The following LAMA2 variants were observed in gnomAD, a reference collection of about 807,000 sequenced individuals.
The protein encoded by LAMA2 is laminin subunit alpha-2.
LAMA2 carries 269 observed loss-of-function variants against 364.8 expected under a neutral mutation model. The observed-to-expected ratio is 0.74, with a 90% CI of 0.67 to 0.82. The LOEUF (loss-of-function observed/expected upper bound fraction) is 0.82. LAMA2 is among the 40% of genes least tolerant of loss of function. The pLI, the probability that LAMA2 is intolerant of heterozygous loss-of-function variation, is 0.00. For missense variants in LAMA2, 3,807 were observed against 3,873.2 expected, an observed-to-expected ratio of 0.98 and a Z score of 0.45; for synonymous variants, 1,379 against 1,370.6, an observed-to-expected ratio of 1.01 and a Z score of -0.14.
chr6:129,224,542 G>T (rs1254344571), intron 12 of LAMA2, among the ~76,000 whole-genome samples: 1 of 152,136 alleles, frequency 6.6e-6, no homozygotes, highest in Admixed American at 6.5e-5. Flanking sequence ...TTTATTGAGA[G>T]TTTTTGGCAT....
At chr6:129,394,557 A>G (rs1371106709) in intron 37 of LAMA2, among the ~76,000 whole-genome samples, 1 of 152,146 alleles carries the variant, frequency 6.6e-6, no homozygotes, top group Non-Finnish European at 1.5e-5. Flanking sequence ...CTGACATGCT[A>G]GCAGTATTCC....
chr6:129,344,783 G>A (rs1017687969), intron 30 of LAMA2, among the ~76,000 whole-genome samples: 2 of 152,204 alleles, frequency 1.3e-5, no homozygotes, highest in African/African-American at 2.4e-5. Context: ...GCAGTGAACA[G>A]CATCAGTTGC....
At chr6:128,895,565 G>T in intron 1 of LAMA2, among the ~76,000 whole-genome samples, 1 of 151,848 alleles carries the variant, frequency 6.6e-6, no homozygotes, top group East Asian at 1.9e-4. Flanking sequence ...GGAGAATGGC[G>T]TGAATCCGGG....
rs75048006 is a variant in LAMA2 at position 129,514,398 on chromosome 6, C to A, written c.9014C>A (p.Ala3005Glu). The A allele has an allele frequency of 3.7e-6, 6 of 1,613,452 alleles. No individual in the cohort carries two copies. In the South Asian group the frequency reaches 5.5e-5, roughly 15 times the overall value. The change falls in exon 64 of 65, where the codon GCG becomes GAG. Residue 3005 changes from alanine (A) to glutamate (E), a missense_variant. Around this residue, in one of 3 missense-constraint regions of LAMA2, gnomAD observed 3,333 missense variants for 3,345.7 expected, o/e 1.00. Coordinates refer to ENST00000421865, the MANE Select transcript of LAMA2 (RefSeq NM_000426.4). ...EKLMFHVDNG[A>E]GRFTAVYDAG... is the part of the protein sequence containing the mutation. Reference sequence around the variant, plus strand: ...TTGATGTTTCATGTGGACAATGGTGCGGGCAGATTCACTGCTGTCTATGAT... The same window carrying A: ...TTGATGTTTCATGTGGACAATGGTGAGGGCAGATTCACTGCTGTCTATGAT...
chr6:129,043,927 G>T (rs936736621), intron 1 of LAMA2, among the ~76,000 whole-genome samples: 1 of 152,016 alleles, frequency 6.6e-6, no homozygotes, highest in Non-Finnish European at 1.5e-5. Context: ...TGTAGGTCTG[G>T]CATCAGTGAG....
rs73776196 is a variant in LAMA2 at position 129,501,430 on chromosome 6, G to A, written c.8245-1229G>A. ...ATACTTCCATGAAGACCAATTTTAC[G>A]GCATTTCAAAACACTTTAAGCCTTT... On this transcript the variant is annotated intron_variant, in intron 58 of 64. Transcript: ENST00000421865. 8.4e-3 allele frequency among the ~76,000 whole-genome samples: 1,281 copies of A among 152,244 alleles called. 18 individuals are homozygous for A. The highest frequency in any genetic ancestry group is 0.026 in the African/African-American group (1,083 of 41,532).
intron 4 of LAMA2, among the ~76,000 whole-genome samples, chr6:129,136,011 A>C (rs1777770449): frequency 6.6e-6 from 1 of 152,132 alleles, no homozygotes; most frequent in African/African-American, 2.4e-5. Flanking sequence ...GAACTCCTGT[A>C]TGTCAAATTC....
At chr6:129,051,087 T>G (rs1787966295) in intron 2 of LAMA2, among the ~76,000 whole-genome samples, 1 of 151,750 alleles carries the variant, frequency 6.6e-6, no homozygotes, top group Non-Finnish European at 1.5e-5. Context: ...CATCTAAAGA[T>G]TTCTGGCTAA....
chr6:129,269,732 A>G (rs1395983366), intron 16 of LAMA2, among the ~76,000 whole-genome samples: 1 of 152,124 alleles, frequency 6.6e-6, no homozygotes, highest in East Asian at 1.9e-4. Flanking sequence ...GTTTAGCTAA[A>G]CTTAAAAATT....
At chr6:129,145,577 A>G (rs1778385228) in intron 5 of LAMA2, among the ~76,000 whole-genome samples, 1 of 151,996 alleles carries the variant, frequency 6.6e-6, no homozygotes, top group African/African-American at 2.4e-5. Flanking sequence ...ATCAGAGAAA[A>G]AAAATCAATG....
At chr6:128,917,706 T>TTTC (rs1554322938) in intron 1 of LAMA2, among the ~76,000 whole-genome samples, 1,269 of 98,408 alleles carry the variant, frequency 0.013, 26 homozygotes, top group East Asian at 0.039. Flanking sequence ...TTTCTTTTTT[T>TTTC]TTTCTTTCTT....
At chr6:128,958,469 C>T (rs1279342806) in intron 1 of LAMA2, among the ~76,000 whole-genome samples, 2 of 152,064 alleles carry the variant, frequency 1.3e-5, no homozygotes, top group African/African-American at 4.8e-5. Flanking sequence ...AATTAAATTC[C>T]TTTCCCTCCC....
chr6:129,316,142 T>C lies in LAMA2; in HGVS notation c.4029T>C (p.Ala1343=), dbSNP rs752632649. The C allele has an allele frequency of 6.2e-7, 1 of 1,608,508 alleles. No individual in the cohort carries two copies. Among genetic ancestry groups the C allele is most frequent in the Non-Finnish European group, 8.5e-7 (1 of 1,175,684 alleles). The stretch of plus-strand genomic sequence containing the variant: ...ATATTCATTACATTCTTATCAAAGC[T>C]ACTTATGGAAATTTCATGCGACAAA... ...LYDIHYILIK[A]TYGNFMRQSR... Residue 1343 remains alanine (A), a synonymous_variant, in exon 27 of 65, where the codon GCT becomes GCC. Transcript: ENST00000421865.
At chr6:129,298,077 A>G (rs1773309608) in intron 21 of LAMA2, among the ~76,000 whole-genome samples, 1 of 152,272 alleles carries the variant, frequency 6.6e-6, no homozygotes, top group Non-Finnish European at 1.5e-5. Flanking sequence ...CTCAGTAAAA[A>G]TCAGCAGATG....
intron 7 of LAMA2, among the ~76,000 whole-genome samples, chr6:129,154,185 G>A (rs745842621): frequency 6.6e-6 from 1 of 152,092 alleles, no homozygotes; most frequent in Admixed American, 6.5e-5. Flanking sequence ...AGGCTGAGGC[G>A]GGTGGATCAT....
intron 15 of LAMA2, among the ~76,000 whole-genome samples, chr6:129,264,420 T>A (rs1787356517): frequency 1.3e-5 from 2 of 152,066 alleles, no homozygotes; most frequent in South Asian, 4.1e-4. Context: ...TAGTCCAGTT[T>A]AGAAATTTTC....
Position 129,110,887 on chromosome 6 carries a change from C to T in LAMA2, c.639+12472C>T, listed in dbSNP as rs530634672. ...TTAAATGCCATCCACCATCTCTACT[C>T]GGAAAAACCCAAGGGTGTGTCAGTT... On this transcript the variant is annotated intron_variant, in intron 4 of 64. Transcript: ENST00000421865. Among the ~76,000 whole-genome samples the T allele has an allele frequency of 4.6e-5, 7 of 151,172 alleles. No homozygotes were observed. The South Asian group carries it at 8.4e-4, about 18-fold the overall frequency.
At chr6:129,262,758 G>C (rs1214802158) in intron 15 of LAMA2, among the ~76,000 whole-genome samples, 1 of 151,920 alleles carries the variant, frequency 6.6e-6, no homozygotes, top group Non-Finnish European at 1.5e-5. Context: ...TAGTTTGTAA[G>C]GCCAGTCATT....
intron 3 of LAMA2, among the ~76,000 whole-genome samples, chr6:129,088,889 G>A (rs550066918): frequency 2.6e-5 from 4 of 152,012 alleles, no homozygotes; most frequent in African/African-American, 7.2e-5. Context: ...AGGCAGAGAC[G>A]CTCCTCACTT....
Sources: allele counts gnomAD v4.1 joint callset (sites outside exome capture counted in the v4.1 genomes callset), GRCh38; gene constraint gnomAD v4.1.1; regional missense constraint gnomAD v4.1.1; transcripts MANE v1.5; gene names NCBI Gene and HGNC (gene_info 2026-07-23, HGNC 2026-07-21).